OR8B8: variants seen among roughly 807,000 people sequenced by gnomAD.
OR8B8 encodes the protein olfactory receptor family 8 subfamily B member 8.
Under a neutral mutation model 10.5 loss-of-function variants are expected in OR8B8, and 8 were observed. The observed-to-expected ratio is 0.76, with a 90% CI of 0.45 to 1.38. The LOEUF (loss-of-function observed/expected upper bound fraction) is 1.38, where lower values mean the gene tolerates loss of function less well. OR8B8 is among the 40% of genes most tolerant of loss of function. The pLI is 0.00. For synonymous variants in OR8B8, 150 were observed against 145.2 expected (o/e 1.03, Z -0.24); for missense variants, 390 against 380.5 (o/e 1.03, Z -0.21).
intron 2 of OR8B8, 79 bp downstream of exon 2, chr11:124,441,409 G>A (rs984119161): frequency 4.0e-5 from 13 of 326,192 alleles, no homozygotes; most frequent in East Asian, 2.4e-4. Context: ...GACCCAGCCC[G>A]CCTGTGCCTG....
rs993399223 is a variant in OR8B8, at chr11:124,438,252, C to T, written c.*1898G>A. On this transcript the variant is annotated 3_prime_UTR_variant, in exon 3 of 3. Transcript: ENST00000642064. ...CTTTTTGAGTCTTTATGCTGCTCTG[C>T]CCCTCTCAATCCCATAGTCAGCTAA... The T allele has an allele frequency of 6.6e-6, 1 of 152,170 alleles. No individual in the cohort carries two copies. Among genetic ancestry groups the T allele is most frequent in the Non-Finnish European group, 1.5e-5 (1 of 68,038 alleles). 9.4% of individuals were successfully genotyped at this position (152,170 alleles called of 1,614,324 possible).
In OR8B8 at chr11:124,440,994, A is replaced by T; in HGVS notation, c.92T>A (p.Phe31Tyr). Residue 31 changes from phenylalanine (F) to tyrosine (Y), a missense_variant, in exon 3 of 3, where the codon TTT (phenylalanine) becomes TAT (tyrosine). Coordinates refer to ENST00000642064, the MANE Select transcript of OR8B8 (RefSeq NM_012378.2). ...CACAGTGACCACGTAGAAGCCTAGAAACAGGAAGAAGAGGGGGATCTGGAC... is the reference window on the plus strand; with the variant it reads ...CACAGTGACCACGTAGAAGCCTAGATACAGGAAGAAGAGGGGGATCTGGAC... ...PGVQIPLFFL[F>Y]LGFYVVTVVG... 1 of 1,614,038 alleles carries T rather than the reference A, an allele frequency of 6.2e-7. No homozygotes were observed. Among genetic ancestry groups the T allele is most frequent in the Non-Finnish European group, 8.5e-7 (1 of 1,180,036 alleles).
At chr11:124,442,284 C>T (rs7114785) in intron 1 of OR8B8, among the ~76,000 whole-genome samples, 28,092 of 152,088 alleles carry the variant, frequency 0.18, 3,165 homozygotes, top group African/African-American at 0.3. Flanking sequence ...TTTAACACCT[C>T]TCTATAGAAG....
chr11:124,444,760 T>C (rs943858557), intron 1 of OR8B8, among the ~76,000 whole-genome samples: 9 of 151,882 alleles, frequency 5.9e-5, no homozygotes, highest in Non-Finnish European at 1.2e-4. Context: ...CTGTAGAAAA[T>C]AGACATAAAA....
rs753808273 is a variant in OR8B8, at chr11:124,440,970, A to G, written c.116T>C (p.Val39Ala). ...GGTTATCAAGCCCAGGTTCCCCACC[A>G]CAGTGACCACGTAGAAGCCTAGAAA... is the stretch of plus-strand genomic sequence containing the variant. Reference protein sequence around the residue: ...FLFLGFYVVTVVGNLGLITLI... With the variant: ...FLFLGFYVVTAVGNLGLITLI... Residue 39 changes from valine to alanine, a missense_variant, in exon 3 of 3, where the codon GTG becomes GCG. By Grantham distance (64) the Val-to-Ala change is moderately conservative (BLOSUM62 0). Coordinates refer to ENST00000642064, the MANE Select transcript of OR8B8 (RefSeq NM_012378.2). 3.1e-6 allele frequency: 5 copies of G among 1,614,110 alleles called. No individual in the cohort carries two copies. The highest frequency in any genetic ancestry group is 3.4e-6 in the Non-Finnish European group (4 of 1,180,026).
rs1565361877 is a variant in OR8B8, at chr11:124,440,723, G to T, written c.363C>A (p.Asp121Glu). 13 of 1,614,114 alleles carry T rather than the reference G, an allele frequency of 8.1e-6. No homozygotes were observed. Among genetic ancestry groups the T allele is most frequent in the Non-Finnish European group, 1.1e-5 (13 of 1,180,018 alleles). The change falls in exon 3 of 3, where the codon GAC (aspartate) becomes GAA (glutamate). Residue 121 changes from aspartate to glutamate, a missense_variant. Transcript: ENST00000642064. ...ESFILSAMAY[D>E]RYVAICNPLL... ...GTGGGTTACAGATGGCCACATAGCG[G>T]TCATACGCCATTGCTGACAGGATGA...
chr11:124,445,151 A>G (rs1484923732), intron 1 of OR8B8, among the ~76,000 whole-genome samples: 1 of 152,142 alleles, frequency 6.6e-6, no homozygotes, highest in Non-Finnish European at 1.5e-5. Context: ...CTCAGCAAAA[A>G]TTCCTCTTCC....
At position 124,440,153 on chromosome 11, in the gene OR8B8, G is replaced by A. The variant is rs149523479; in HGVS notation, c.933C>T (p.Ser311=). 1.3e-4 allele frequency: 209 copies of A among 1,610,658 alleles called. No individual in the cohort carries two copies. The African/African-American group carries it at 2.5e-3, about 19-fold the overall frequency. The change falls in exon 3 of 3, where the codon TCC becomes TCT. Residue 311 remains serine, a synonymous_variant. Coordinates refer to ENST00000642064, the MANE Select transcript of OR8B8 (RefSeq NM_012378.2). ...LKKILNKNAF[S] ...TTTCCTGAGCATTGCCCTTTTCTCA[G>A]GAGAATGCATTTTTGTTCAAGATTT...
At chr11:124,443,110 A>C (rs80178027) in intron 1 of OR8B8, among the ~76,000 whole-genome samples, 5,810 of 53,542 alleles carry the variant, frequency 0.11, 354 homozygotes, top group African/African-American at 0.37. Flanking sequence ...TATCTACCCT[A>C]CGTTTTCTAG....
Position 124,440,980 on chromosome 11 carries a change from C to T in OR8B8, c.106G>A (p.Val36Met), listed in dbSNP as rs544744267. ...PLFFLFLGFY[V>M]VTVVGNLGLI... ...CCCAGGTTCCCCACCACAGTGACCA[C>T]GTAGAAGCCTAGAAACAGGAAGAAG... The change falls in exon 3 of 3, where the codon GTG becomes ATG. Residue 36 changes from valine (V) to methionine (M), a missense_variant. Transcript: ENST00000642064. The T allele has an allele frequency of 3.0e-5, 49 of 1,614,042 alleles. No individual in the cohort carries two copies. The highest frequency in any genetic ancestry group is 1.5e-4 in the South Asian group (14 of 91,078).
Position 124,439,643 on chromosome 11 carries a change from T to G in OR8B8, c.*507A>C, listed in dbSNP as rs1861443042. 6.4e-6 allele frequency: 1 copy of G among 156,918 alleles called. No homozygotes were observed. Among genetic ancestry groups the G allele is most frequent in the Non-Finnish European group, 1.4e-5 (1 of 70,922 alleles). The allele number at this position is 156,918 out of a possible 1,614,324, so 9.7% of individuals were successfully genotyped here. Reference sequence around the variant, plus strand: ...CAAAATGCTTCAAGAATTTCCCTGGTCATTTGGCCAAGGCCATCTCAACAA... The same window carrying G: ...CAAAATGCTTCAAGAATTTCCCTGGGCATTTGGCCAAGGCCATCTCAACAA... On this transcript the variant is annotated 3_prime_UTR_variant, in exon 3 of 3. Coordinates refer to ENST00000642064, the MANE Select transcript of OR8B8 (RefSeq NM_012378.2).
In OR8B8 at chr11:124,440,876, A is replaced by G. The variant is rs759233269; in HGVS notation, c.210T>C (p.Asp70=). ...YFFLYNLSFI[D]FCYSSVITPK... is the part of the protein sequence containing the mutation. ...GAGTGATAACACTGGAATAGCAGAA[A>G]TCTATGAAGGACAAGTTATAGAGGA... is the stretch of plus-strand genomic sequence containing the variant. The change falls in exon 3 of 3, where the codon GAT becomes GAC. Residue 70 remains aspartate, a synonymous_variant. Coordinates refer to ENST00000642064, the MANE Select transcript of OR8B8 (RefSeq NM_012378.2). The G allele has an allele frequency of 6.2e-6, 10 of 1,614,068 alleles. No individual in the cohort carries two copies. The Admixed American group carries it at 1.7e-4, about 27-fold the overall frequency.
chr11:124,440,940 A>C lies in OR8B8; in HGVS notation c.146T>G (p.Ile49Arg). The C allele has an allele frequency of 6.2e-7, 1 of 1,614,146 alleles. No individual in the cohort carries two copies. The highest frequency in any genetic ancestry group is 8.5e-7 in the Non-Finnish European group (1 of 1,180,032). ...GGTGTGCAAGTGAGAGTTGAGCCTT[A>C]TCAGGGTTATCAAGCCCAGGTTCCC... ...VVGNLGLITL[I>R]RLNSHLHTPM... Residue 49 changes from isoleucine (I) to arginine (R), a missense_variant, in exon 3 of 3, where the codon ATA becomes AGA. Transcript: ENST00000642064.
intron 1 of OR8B8, among the ~76,000 whole-genome samples, chr11:124,444,669 G>A (rs769151198): frequency 9.2e-5 from 14 of 152,156 alleles, no homozygotes; most frequent in Non-Finnish European, 1.2e-4. Flanking sequence ...TCACAGTGTC[G>A]TTGTTGTGAG....
At position 124,442,068 on chromosome 11, in the gene OR8B8, T is replaced by C. The variant is rs200782190; in HGVS notation, c.-152-445A>G. Among the ~76,000 whole-genome samples the C allele has an allele frequency of 2.0e-4, 31 of 151,440 alleles. 2 individuals are homozygous for C. In the South Asian group the frequency reaches 5.6e-3, roughly 27 times the overall value. On this transcript the variant is annotated intron_variant, in intron 1 of 2. Coordinates refer to ENST00000642064, the MANE Select transcript of OR8B8 (RefSeq NM_012378.2). The stretch of plus-strand genomic sequence containing the variant: ...TTAATGTATACCTAATCCTTTTTTT[T>C]CCTAGCATTATGCACTGACCTCAGC...
intron 1 of OR8B8, among the ~76,000 whole-genome samples, chr11:124,444,033 A>G (rs1056703102): frequency 6.6e-6 from 1 of 152,230 alleles, no homozygotes; most frequent in Non-Finnish European, 1.5e-5. Flanking sequence ...AACTAATCCT[A>G]AATTCCCCAT....
At chr11:124,441,833 T>C (rs1861479167) in intron 1 of OR8B8, among the ~76,000 whole-genome samples, 1 of 152,184 alleles carries the variant, frequency 6.6e-6, no homozygotes, top group Admixed American at 6.5e-5. Flanking sequence ...AGCAGTTTTA[T>C]TCTGAGTTTG....
Position 124,440,956 on chromosome 11 carries a change from C to A in OR8B8, c.130G>T (p.Gly44Cys). 1 of 1,613,942 alleles carries A rather than the reference C, an allele frequency of 6.2e-7. No homozygotes were observed. Among genetic ancestry groups the A allele is most frequent in the Non-Finnish European group, 8.5e-7 (1 of 1,180,012 alleles). The change falls in exon 3 of 3, where the codon GGC (glycine) becomes TGC (cysteine). Residue 44 changes from glycine to cysteine, a missense_variant. Transcript: ENST00000642064. ...FYVVTVVGNL[G>C]LITLIRLNSH... ...TTGAGCCTTATCAGGGTTATCAAGC[C>A]CAGGTTCCCCACCACAGTGACCACG...
chr11:124,437,466 A>G lies in OR8B8; in HGVS notation c.*2684T>C, dbSNP rs994814455. On this transcript the variant is annotated 3_prime_UTR_variant, in exon 3 of 3. Coordinates refer to ENST00000642064, the MANE Select transcript of OR8B8 (RefSeq NM_012378.2). ...ACTACACACCAGGTGGCTTTTAAAC[A>G]GCAGGAATTTATTTCTCATGGTTCC... 1 of 152,268 alleles carries G rather than the reference A, an allele frequency of 6.6e-6. No homozygotes were observed. The highest frequency in any genetic ancestry group is 2.4e-5 in the African/African-American group (1 of 41,454). 9.4% of individuals were successfully genotyped at this position (152,268 alleles called of 1,614,324 possible).
Sources: allele counts gnomAD v4.1 joint callset (sites outside exome capture counted in the v4.1 genomes callset), GRCh38; gene constraint gnomAD v4.1.1; transcripts MANE v1.5; gene names NCBI Gene and HGNC (gene_info 2026-07-23, HGNC 2026-07-21).